The following CPA6 variants were observed in gnomAD, a reference collection of about 807,000 sequenced individuals.
The protein encoded by CPA6 is carboxypeptidase B.
In CPA6, 58 loss-of-function variants were observed where a neutral mutation model predicts 63.3. The ratio of observed to expected loss-of-function variants is 0.92; its 90% CI spans 0.74 to 1.14. CPA6 has a LOEUF of 1.14. CPA6 is among the 50% of genes most tolerant of loss of function. CPA6 has a pLI of 0.00. For missense variants in CPA6, 565 were observed against 526.6 expected, an observed-to-expected ratio of 1.07 and a Z score of -0.71; for synonymous variants, 185 against 179.0, an observed-to-expected ratio of 1.03 and a Z score of -0.27.
intron 1 of CPA6, among the ~76,000 whole-genome samples, chr8:67,736,478 G>A (rs897079760): frequency 6.6e-6 from 1 of 152,180 alleles, no homozygotes; most frequent in African/African-American, 2.4e-5. Flanking sequence ...CCTACCCAGT[G>A]GATACGACTT....
At chr8:67,437,313 C>G (rs966886801) in intron 8 of CPA6, among the ~76,000 whole-genome samples, 4 of 152,044 alleles carry the variant, frequency 2.6e-5, no homozygotes, top group African/African-American at 9.7e-5. Flanking sequence ...GAGAATGGCA[C>G]GAACCCGGGA....
At chr8:67,715,160 T>G (rs912822088) in intron 1 of CPA6, among the ~76,000 whole-genome samples, 2 of 152,202 alleles carry the variant, frequency 1.3e-5, no homozygotes, top group African/African-American at 2.4e-5. Context: ...ATGATTAAAT[T>G]CCAGTCTGAT....
chr8:67,537,490 T>C (rs187023009), intron 2 of CPA6, among the ~76,000 whole-genome samples: 559 of 152,362 alleles, frequency 3.7e-3, no homozygotes, highest in Non-Finnish European at 6.2e-3. Context: ...TAGAGGTGTT[T>C]ATAGTATTCT....
intron 2 of CPA6, among the ~76,000 whole-genome samples, chr8:67,565,494 AG>A (rs1813316285): frequency 6.6e-6 from 1 of 152,188 alleles, no homozygotes; most frequent in Non-Finnish European, 1.5e-5. Flanking sequence ...GATAGATCAA[AG>A]GAAGCACCTT....
chr8:67,529,566 T>G (rs970323308), intron 2 of CPA6, among the ~76,000 whole-genome samples: 23 of 152,172 alleles, frequency 1.5e-4, no homozygotes, highest in Non-Finnish European at 2.5e-4. Flanking sequence ...ATATGTTTTC[T>G]GGAGAAATTA....
chr8:67,520,746 G>A (rs1359671867), intron 2 of CPA6, among the ~76,000 whole-genome samples: 2 of 152,212 alleles, frequency 1.3e-5, no homozygotes, highest in African/African-American at 4.8e-5. Flanking sequence ...TCCCAAGGTT[G>A]CACAGGTACA....
At chr8:67,508,428 G>A (rs904326414) in intron 5 of CPA6, among the ~76,000 whole-genome samples, 2 of 152,056 alleles carry the variant, frequency 1.3e-5, no homozygotes, top group African/African-American at 4.8e-5. Context: ...GTGAATTTAA[G>A]GTTCCAGAGG....
In CPA6 at chr8:67,697,479, G is replaced by T. The variant is rs945144157; in HGVS notation, c.116+48535C>A. Among the ~76,000 whole-genome samples, 10 of 152,296 alleles carry T rather than the reference G, an allele frequency of 6.6e-5. No individual in the cohort carries two copies. In the East Asian group the frequency reaches 1.9e-3, roughly 29 times the overall value. ...TCTTAAACTCTGAAAGTGACTCAAA[G>T]ATGAACCACCTTTCTTACTGAGTTG... is the stretch of plus-strand genomic sequence containing the variant. On this transcript the variant is annotated intron_variant, in intron 1 of 10. Transcript: ENST00000297770.
intron 2 of CPA6, among the ~76,000 whole-genome samples, chr8:67,587,716 T>A (rs1244476769): frequency 6.6e-6 from 1 of 152,246 alleles, no homozygotes; most frequent in East Asian, 1.9e-4. Flanking sequence ...GTGGTTGGCA[T>A]GTGTTTGGTG....
intron 1 of CPA6, among the ~76,000 whole-genome samples, chr8:67,738,085 ATTG>A (rs370671092): frequency 1.1e-3 from 169 of 152,110 alleles, no homozygotes; most frequent in African/African-American, 3.8e-3. Flanking sequence ...ATTTGGAGAT[ATTG>A]TTATTTCAAA....
At chr8:67,499,768 C>T (rs1403162531) in intron 6 of CPA6, among the ~76,000 whole-genome samples, 2 of 152,144 alleles carry the variant, frequency 1.3e-5, no homozygotes, top group Non-Finnish European at 2.9e-5. Flanking sequence ...TTAAGATTGG[C>T]TTTTTCATTC....
chr8:67,570,560 T>A (rs1014123312), intron 2 of CPA6, among the ~76,000 whole-genome samples: 9 of 152,002 alleles, frequency 5.9e-5, no homozygotes, highest in African/African-American at 2.2e-4. Flanking sequence ...AACAAAAACA[T>A]AAAATGTGGG....
chr8:67,540,324 C>T (rs1343244858), intron 2 of CPA6, among the ~76,000 whole-genome samples: 5 of 152,164 alleles, frequency 3.3e-5, no homozygotes, highest in Non-Finnish European at 7.3e-5. Context: ...CTCTGGGTAT[C>T]ACCAGTGGAG....
At chr8:67,466,285 C>T (rs1810924974) in intron 8 of CPA6, among the ~76,000 whole-genome samples, 1 of 152,130 alleles carries the variant, frequency 6.6e-6, no homozygotes, top group African/African-American at 2.4e-5. Flanking sequence ...TTTTGTATTT[C>T]TGTGAGATCA....
At chr8:67,447,340 G>A (rs901528562) in intron 8 of CPA6, among the ~76,000 whole-genome samples, 2 of 151,962 alleles carry the variant, frequency 1.3e-5, no homozygotes, top group African/African-American at 2.4e-5. Context: ...TCTTTACCAT[G>A]ATGAAACAAT....
intron 2 of CPA6, among the ~76,000 whole-genome samples, chr8:67,609,323 T>C (rs1290183745): frequency 6.6e-6 from 1 of 152,226 alleles, no homozygotes; most frequent in Admixed American, 6.5e-5. Context: ...TTCAAGGATT[T>C]GATGATGAAA....
chr8:67,733,526 T>C (rs1184803582), intron 1 of CPA6, among the ~76,000 whole-genome samples: 1 of 152,196 alleles, frequency 6.6e-6, no homozygotes, highest in Non-Finnish European at 1.5e-5. Context: ...TTCTACATTT[T>C]ATCTCCGCTC....
At chr8:67,490,351 A>C (rs1269926802) in intron 6 of CPA6, among the ~76,000 whole-genome samples, 1 of 152,160 alleles carries the variant, frequency 6.6e-6, no homozygotes, top group East Asian at 1.9e-4. Context: ...ATGCCCAATA[A>C]TCAAGTTGCA....
chr8:67,432,354 T>C (rs1810046139), intron 9 of CPA6, among the ~76,000 whole-genome samples: 1 of 152,212 alleles, frequency 6.6e-6, no homozygotes, highest in Admixed American at 6.5e-5. Context: ...GAGCACTGGA[T>C]GTGCTGGGAG....
Sources: allele counts gnomAD v4.1 joint callset (sites outside exome capture counted in the v4.1 genomes callset), GRCh38; gene constraint gnomAD v4.1.1; transcripts MANE v1.5; gene names NCBI Gene and HGNC (gene_info 2026-07-23, HGNC 2026-07-21).